Variants in AMD1 observed in about 807,000 individuals in gnomAD.
AMD1 encodes the protein adenosylmethionine decarboxylase 1, also known as S-adenosylmethionine decarboxylase proenzyme.
Under a neutral mutation model 40.2 loss-of-function variants are expected in AMD1, and 11 were observed. The observed-to-expected ratio is 0.27, with a 90% confidence interval of 0.17 to 0.45. The LOEUF (loss-of-function observed/expected upper bound fraction) is 0.45. Ranked by LOEUF, AMD1 falls within the 20% of genes least tolerant of loss-of-function variation. The probability of loss-of-function intolerance (pLI) is 1.00; values close to 1 mark genes in which losing one functional copy is unlikely to be tolerated. For synonymous variants in AMD1, 121 were observed against 130.8 expected, an observed-to-expected ratio of 0.93 and a Z score of 0.51; for missense variants, 257 against 410.2, an observed-to-expected ratio of 0.63 and a Z score of 3.23.
At chr6:110,880,244 G>T (rs142659068) in intron 1 of AMD1, among the ~76,000 whole-genome samples, 41 of 152,214 alleles carry the variant, frequency 2.7e-4, no homozygotes, top group African/African-American at 9.6e-4. Context: ...ATCACTTTTT[G>T]TTGAGTTGTG....
chr6:110,846,420 A>G, the AMD1 span, among the ~76,000 whole-genome samples: 1 of 152,234 alleles, frequency 6.6e-6, no homozygotes, highest in Non-Finnish European at 1.5e-5. Flanking sequence ...ATATACATGA[A>G]GCCACTTTTA....
Position 110,895,592 on chromosome 6 carries a change from G to C in AMD1, c.*1976G>C, listed in dbSNP as rs1482171041. 6.6e-6 allele frequency: 1 copy of C among 152,604 alleles called. No homozygotes were observed. The highest frequency in any genetic ancestry group is 1.5e-5 in the Non-Finnish European group (1 of 68,028). The allele number at this position is 152,604 out of a possible 1,614,324, so 9.5% of individuals were successfully genotyped here. A position where few individuals can be genotyped will look rare whatever the true frequency, so the allele number is the denominator to read the frequency against. On this transcript the variant is annotated 3_prime_UTR_variant, in exon 9 of 9. Transcript: ENST00000368885. ...ATCTAAATCATCGTATGATAGAAGA[G>C]GGAAAGTTTTGGTGCCATAATTTCT...
Position 110,893,489 on chromosome 6 carries a change from G to T in AMD1, c.878G>T (p.Arg293Leu), listed in dbSNP as rs200088771. The T allele has an allele frequency of 1.2e-6, 2 of 1,613,778 alleles. No homozygotes were observed. Among genetic ancestry groups the T allele is most frequent in the Non-Finnish European group, 1.7e-6 (2 of 1,179,792 alleles). ...TTTTTCCCCCAGAGTTCTAAATGTCGCACAGTGCTTGCTTCGCCCCAGAAG... is the reference window on the plus strand; with the variant it reads ...TTTTTCCCCCAGAGTTCTAAATGTCTCACAGTGCTTGCTTCGCCCCAGAAG... ...TLFVNQSSKC[R>L]TVLASPQKIE... Residue 293 changes from arginine (R) to leucine (L), a missense_variant, in exon 9 of 9, where the codon CGC becomes CTC. This residue lies in a region of AMD1 where 192 missense variants were observed against 296.5 expected (regional missense o/e 0.65). Transcript: ENST00000368885.
intron 1 of AMD1, among the ~76,000 whole-genome samples, chr6:110,875,791 A>T (rs539099741): frequency 6.6e-6 from 1 of 151,588 alleles, no homozygotes; most frequent in Non-Finnish European, 1.5e-5. Context: ...CGCGGGCAGC[A>T]TGTGGCGTTC....
chr6:110,887,885 C>T (rs1361001020), intron 2 of AMD1, among the ~76,000 whole-genome samples: 2 of 152,052 alleles, frequency 1.3e-5, no homozygotes, highest in African/African-American at 4.8e-5. Flanking sequence ...GGGGTTTCAC[C>T]ATGTTGGCCA....
At position 110,874,922 on chromosome 6, in the gene AMD1, C is replaced by T; in HGVS notation, c.-184C>T. ...ACGTTCAACTTTCGCTCACACAAAG[C>T]CGGGAAAATTTTATTAGTCCTTTTT... On this transcript the variant is annotated 5_prime_UTR_variant, in exon 1 of 9. Transcript: ENST00000368885. The T allele has an allele frequency of 1.7e-6, 1 of 573,132 alleles. No homozygotes were observed. Among genetic ancestry groups the T allele is most frequent in the African/African-American group, 1.9e-5 (1 of 53,318 alleles). 35.5% of individuals were successfully genotyped at this position (573,132 alleles called of 1,614,324 possible).
At chr6:110,852,683 A>G in the AMD1 span, among the ~76,000 whole-genome samples, 1 of 152,180 alleles carries the variant, frequency 6.6e-6, no homozygotes, top group Non-Finnish European at 1.5e-5. Context: ...CAATACAAAG[A>G]ATTGCTGTCT....
intron 1 of AMD1, among the ~76,000 whole-genome samples, chr6:110,884,894 G>A (rs1193390084): frequency 6.6e-6 from 1 of 152,126 alleles, no homozygotes; most frequent in East Asian, 1.9e-4. Flanking sequence ...AGTTATAGTG[G>A]GAAGTCAGTA....
the AMD1 span, among the ~76,000 whole-genome samples, chr6:110,867,406 T>C: frequency 6.6e-6 from 1 of 152,128 alleles, no homozygotes; most frequent in Admixed American, 6.5e-5. Context: ...GGCTCACACC[T>C]GTAATCCCAG....
In AMD1 at chr6:110,892,905, C is replaced by T; in HGVS notation, c.709-5C>T. ...ATTCTTAACACTGTGAACTTTTTCT[C>T]TCAGGGAACTTATTGGACTATTCAC... On this transcript the variant is annotated splice_region_variant and splice_polypyrimidine_tract_variant and intron_variant, in intron 7 of 8. Transcript: ENST00000368885. 1.2e-6 allele frequency: 2 copies of T among 1,613,650 alleles called. No homozygotes were observed. The highest frequency in any genetic ancestry group is 2.2e-5 in the South Asian group (2 of 90,878).
chr6:110,887,966 G>A (rs909633683), intron 2 of AMD1, among the ~76,000 whole-genome samples: 1 of 152,048 alleles, frequency 6.6e-6, no homozygotes, highest in Non-Finnish European at 1.5e-5. Flanking sequence ...GATTATACAC[G>A]TGAGCCACCG....
chr6:110,836,588 C>T, the AMD1 span, among the ~76,000 whole-genome samples: 2 of 152,076 alleles, frequency 1.3e-5, no homozygotes, highest in Non-Finnish European at 2.9e-5. Context: ...TCACAGGAAA[C>T]TTCTATGCTA....
the AMD1 span, among the ~76,000 whole-genome samples, chr6:110,862,723 G>T: frequency 6.6e-6 from 1 of 151,390 alleles, no homozygotes; most frequent in Non-Finnish European, 1.5e-5. Context: ...GCCTGCCTCG[G>T]CCTCCCAAAC....
chr6:110,823,102 C>A, the AMD1 span, among the ~76,000 whole-genome samples: 1 of 151,946 alleles, frequency 6.6e-6, no homozygotes, highest in Non-Finnish European at 1.5e-5. Context: ...GCAACAAAAG[C>A]AAAACTCTGT....
chr6:110,847,191 A>T, the AMD1 span, among the ~76,000 whole-genome samples: 5 of 151,810 alleles, frequency 3.3e-5, no homozygotes, highest in African/African-American at 1.2e-4. Context: ...TAGGCTGGAA[A>T]CTCAGGCAGA....
chr6:110,871,184 T>C (rs1221810136), upstream of AMD1, among the ~76,000 whole-genome samples: 1 of 152,230 alleles, frequency 6.6e-6, no homozygotes, highest in Non-Finnish European at 1.5e-5. Flanking sequence ...TTGATTTCAA[T>C]TGTAATGGGA....
chr6:110,820,683 C>G, the AMD1 span, among the ~76,000 whole-genome samples: 1 of 152,214 alleles, frequency 6.6e-6, no homozygotes, highest in Non-Finnish European at 1.5e-5. Flanking sequence ...GGGCAGATCA[C>G]TTGAAGTCAA....
chr6:110,887,071 G>C (rs1001995524), intron 1 of AMD1, among the ~76,000 whole-genome samples: 1 of 152,152 alleles, frequency 6.6e-6, no homozygotes, highest in African/African-American at 2.4e-5. Flanking sequence ...ATCACTCACT[G>C]TGTCCCGACA....
At chr6:110,855,589 T>C in the AMD1 span, among the ~76,000 whole-genome samples, 19 of 152,130 alleles carry the variant, frequency 1.2e-4, no homozygotes, top group Admixed American at 1.2e-3. Flanking sequence ...GTGTCTCTTG[T>C]CTAGGACATT....
Sources: gnomAD v4.1 joint callset for allele counts (sites outside exome capture counted in the v4.1 genomes callset) on GRCh38, gnomAD v4.1.1 for gene constraint, gnomAD v4.1.1 regional missense constraint, MANE v1.5 for transcripts, NCBI Gene and HGNC (gene_info 2026-07-23, HGNC 2026-07-21) for gene names.